GSDMC: variants seen among roughly 807,000 people sequenced by gnomAD.
GSDMC encodes gasdermin C.
A neutral mutation model predicts 58.0 loss-of-function variants in GSDMC; 59 were observed. That is an observed-to-expected ratio of 1.02 (90% CI 0.82 to 1.26). The LOEUF is 1.26. Among genes scored for constraint, GSDMC ranks in the 50% most tolerant of loss-of-function variants. The pLI is 0.00. For missense variants in GSDMC, 659 were observed against 598.5 expected (o/e 1.10, Z -1.06); for synonymous variants, 241 against 220.2 (o/e 1.09, Z -0.83).
the GSDMC span, among the ~76,000 whole-genome samples, chr8:129,720,424 A>G: frequency 1.3e-5 from 2 of 152,196 alleles, no homozygotes; most frequent in African/African-American, 4.8e-5. Context: ...ATGTTTTAAA[A>G]GCCAATAACT....
At chr8:129,780,647 A>G (rs1433989369) in intron 1 of GSDMC, among the ~76,000 whole-genome samples, 1 of 152,190 alleles carries the variant, frequency 6.6e-6, no homozygotes, top group Non-Finnish European at 1.5e-5. Flanking sequence ...TACTAAAGGG[A>G]GTTGTTCTAT....
At chr8:129,784,941 G>A (rs930856089) in intron 1 of GSDMC, among the ~76,000 whole-genome samples, 2 of 152,136 alleles carry the variant, frequency 1.3e-5, no homozygotes, top group African/African-American at 2.4e-5. Flanking sequence ...GGCTGGGTGC[G>A]GTGGCTCATG....
intron 4 of GSDMC, among the ~76,000 whole-genome samples, chr8:129,764,643 C>T (rs932505897): frequency 6.6e-6 from 1 of 152,176 alleles, no homozygotes; most frequent in Non-Finnish European, 1.5e-5. Flanking sequence ...GGGATTTGGG[C>T]TCTGAGTGTT....
At chr8:129,707,202 A>T in the GSDMC span, 1 of 144,960 alleles carries the variant, frequency 6.9e-6, no homozygotes, top group South Asian at 2.2e-4. Context: ...AAAAAAAAAA[A>T]AAAGCCCAGA....
the GSDMC span, among the ~76,000 whole-genome samples, chr8:129,709,100 T>C: frequency 6.6e-6 from 1 of 152,164 alleles, no homozygotes; most frequent in African/African-American, 2.4e-5. Flanking sequence ...GCTGTCTGTG[T>C]CCAAGAAAGT....
At chr8:129,756,119 T>C (rs1473929117) in intron 6 of GSDMC, among the ~76,000 whole-genome samples, 2 of 149,642 alleles carry the variant, frequency 1.3e-5, no homozygotes, top group African/African-American at 2.5e-5. Context: ...ACACACTTCA[T>C]CTATAAAGAT....
At chr8:129,708,871 C>A in the GSDMC span, among the ~76,000 whole-genome samples, 1 of 152,276 alleles carries the variant, frequency 6.6e-6, no homozygotes, top group African/African-American at 2.4e-5. Flanking sequence ...CTTTCCAACT[C>A]TGGACAATGG....
the GSDMC span, chr8:129,706,971 G>T: frequency 6.6e-6 from 1 of 152,142 alleles, no homozygotes; most frequent in African/African-American, 2.4e-5. Context: ...GGAAAATAGA[G>T]AATATTTAAT....
intron 2 of GSDMC, among the ~76,000 whole-genome samples, chr8:129,777,040 G>A (rs1230348257): frequency 6.6e-6 from 1 of 152,108 alleles, no homozygotes; most frequent in Non-Finnish European, 1.5e-5. Flanking sequence ...AAAGCACTGG[G>A]ATTATAGGCA....
intron 5 of GSDMC, 132 bp from the exon 6 acceptor site, chr8:129,760,721 C>T (rs2033627925): frequency 1.7e-6 from 1 of 572,928 alleles, no homozygotes; most frequent in Non-Finnish European, 3.2e-6. Flanking sequence ...TCTGTGCCTT[C>T]TGAATCACTT....
downstream of GSDMC, among the ~76,000 whole-genome samples, chr8:129,744,048 CTCCCTCTTTCCTAGAACTCTGCCCTAAAA>C (rs1305049): frequency 0.32 from 49,232 of 152,010 alleles, 11,574 homozygotes; most frequent in African/African-American, 0.65. Flanking sequence ...CTGGATAATA[CTCCCTCTTTCCTAGAACTCTGCCCTAAAA>C]ATGTTAGTTC....
the GSDMC span, chr8:129,729,230 T>C: frequency 3.1e-6 from 2 of 642,518 alleles, no homozygotes; most frequent in African/African-American, 1.8e-5. Flanking sequence ...CCTGGAATAT[T>C]TTCCAAGTGA....
intron 3 of GSDMC, among the ~76,000 whole-genome samples, chr8:129,770,487 CTG>C (rs1399947216): frequency 6.6e-6 from 1 of 152,148 alleles, no homozygotes; most frequent in Non-Finnish European, 1.5e-5. Flanking sequence ...CAGAGTAAGA[CTG>C]TCTCAAAAAT....
intron 6 of GSDMC, among the ~76,000 whole-genome samples, chr8:129,754,945 C>T (rs1318433121): frequency 6.6e-6 from 1 of 151,902 alleles, no homozygotes; most frequent in Non-Finnish European, 1.5e-5. Context: ...GAATAAAAAA[C>T]AATGAAGCAC....
chr8:129,743,641 T>A (rs2032908359), downstream of GSDMC, among the ~76,000 whole-genome samples: 1 of 152,222 alleles, frequency 6.6e-6, no homozygotes, highest in Non-Finnish European at 1.5e-5. Flanking sequence ...ATTGTGAATG[T>A]TGCATTATTG....
At chr8:129,736,501 C>T in the GSDMC span, among the ~76,000 whole-genome samples, 2 of 152,118 alleles carry the variant, frequency 1.3e-5, no homozygotes, top group Non-Finnish European at 1.5e-5. Flanking sequence ...AATCAATAAA[C>T]GTAATCCATC....
chr8:129,763,959 C>CT (rs1261176680), intron 4 of GSDMC, among the ~76,000 whole-genome samples: 1 of 152,068 alleles, frequency 6.6e-6, no homozygotes, highest in African/African-American at 2.4e-5. Flanking sequence ...CTTTTTGACC[C>CT]TTCTATTTAA....
chr8:129,752,247 A>G (rs2033236802), intron 7 of GSDMC, 100 bp from the exon 8 acceptor site: 3 of 872,850 alleles, frequency 3.4e-6, no homozygotes, highest in Non-Finnish European at 5.7e-6. Context: ...TAACTCCTCT[A>G]TCCTCCCCTT....
chr8:129,741,937 TAC>T, the GSDMC span, among the ~76,000 whole-genome samples: 1,728 of 146,340 alleles, frequency 0.012, 69 homozygotes, highest in Middle Eastern at 0.054. Flanking sequence ...TATATATATA[TAC>T]ATGAAATAAT....
Sources: allele counts gnomAD v4.1 joint callset (sites outside exome capture counted in the v4.1 genomes callset), GRCh38; gene constraint gnomAD v4.1.1; transcripts MANE v1.5; gene names NCBI Gene and HGNC (gene_info 2026-07-23, HGNC 2026-07-21).